Variants in MBD5 observed in about 807,000 individuals in gnomAD.
MBD5 encodes methyl-CpG-binding domain protein 5.
A neutral mutation model predicts 117.3 loss-of-function variants in MBD5; 13 were observed. The ratio of observed to expected loss-of-function variants is 0.11; its 90% CI spans 0.07 to 0.18. The LOEUF (loss-of-function observed/expected upper bound fraction) is 0.18. Ranked by LOEUF, MBD5 falls within the 10% of genes least tolerant of loss-of-function variation. The pLI is 1.00. For synonymous variants in MBD5, 727 were observed against 766.4 expected, an observed-to-expected ratio of 0.95 and a Z score of 0.85; for missense variants, 1,879 against 2,093.8, an observed-to-expected ratio of 0.90 and a Z score of 2.00.
At chr2:148,419,078 T>A (rs1705515627) in intron 4 of MBD5, among the ~76,000 whole-genome samples, 1 of 152,118 alleles carries the variant, frequency 6.6e-6, no homozygotes, top group South Asian at 2.1e-4. Context: ...TAAAACCAAG[T>A]ACTTACAACC....
chr2:148,252,257 G>GT (rs1700483572), intron 3 of MBD5, among the ~76,000 whole-genome samples: 1 of 152,032 alleles, frequency 6.6e-6, no homozygotes, highest in African/African-American at 2.4e-5. Flanking sequence ...GAGCCCAGGA[G>GT]TTCAAGGCCA....
At chr2:148,067,165 A>C (rs1695222872) in intron 1 of MBD5, among the ~76,000 whole-genome samples, 1 of 152,190 alleles carries the variant, frequency 6.6e-6, no homozygotes, top group African/African-American at 2.4e-5. Context: ...ATAGAATGCA[A>C]AAGTACAGTC....
intron 3 of MBD5, among the ~76,000 whole-genome samples, chr2:148,306,528 G>T (rs1336235458): frequency 6.6e-6 from 1 of 152,104 alleles, no homozygotes; most frequent in Admixed American, 6.5e-5. Flanking sequence ...ATTTTGGAGA[G>T]ATTAGGCAGG....
rs888371654 is a variant in MBD5 at position 148,446,107 on chromosome 2, C to T, written c.-556-12096C>T. Among the ~76,000 whole-genome samples the T allele has an allele frequency of 5.4e-5, 8 of 149,180 alleles. 1 individual carries two copies. Among genetic ancestry groups the T allele is most frequent in the Admixed American group, 2.6e-4 (4 of 15,096 alleles). On this transcript the variant is annotated intron_variant, in intron 4 of 13. Transcript: ENST00000642680. ...TGCCTGTTCACTCTGATGGTAGTTT[C>T]TTTTGCTGTGCACAAGCTCTTTAGT...
At chr2:148,197,389 T>A (rs557150023) in intron 2 of MBD5, among the ~76,000 whole-genome samples, 1 of 152,250 alleles carries the variant, frequency 6.6e-6, no homozygotes, top group South Asian at 2.1e-4. Flanking sequence ...AACTAATGAT[T>A]GTTTGTTATG....
At chr2:148,252,553 C>G (rs1034403210) in intron 3 of MBD5, among the ~76,000 whole-genome samples, 2 of 152,002 alleles carry the variant, frequency 1.3e-5, no homozygotes, top group African/African-American at 4.8e-5. Flanking sequence ...TTATGGAAAA[C>G]CTCTGCAAGT....
intron 3 of MBD5, among the ~76,000 whole-genome samples, chr2:148,328,503 C>T (rs541409059): frequency 7.2e-5 from 11 of 152,306 alleles, no homozygotes; most frequent in East Asian, 3.9e-4. Flanking sequence ...ACTCTGTGGG[C>T]GTAGGACCCT....
chr2:148,198,960 G>GT (rs1699065503), intron 2 of MBD5, among the ~76,000 whole-genome samples: 1 of 151,018 alleles, frequency 6.6e-6, no homozygotes, highest in Non-Finnish European at 1.5e-5. Flanking sequence ...ATGTGTATAT[G>GT]TATATATCTG....
intron 1 of MBD5, among the ~76,000 whole-genome samples, chr2:148,084,041 G>A (rs1364890632): frequency 6.6e-6 from 1 of 152,184 alleles, no homozygotes; most frequent in Non-Finnish European, 1.5e-5. Flanking sequence ...TACACAAAAA[G>A]ATTGAAAACT....
chr2:148,150,243 A>G (rs866985709), intron 1 of MBD5, among the ~76,000 whole-genome samples: 1,811 of 148,516 alleles, frequency 0.012, 39 homozygotes, highest in African/African-American at 0.042. Flanking sequence ...CAAAGATCAG[A>G]TAGTTGTAGA....
intron 1 of MBD5, among the ~76,000 whole-genome samples, chr2:148,150,553 T>C (rs995535786): frequency 2.6e-5 from 4 of 152,184 alleles, no homozygotes; most frequent in Non-Finnish European, 5.9e-5. Context: ...TTTCACGATA[T>C]TGATTCTTCT....
intron 11 of MBD5, among the ~76,000 whole-genome samples, chr2:148,491,297 CTTTT>C (rs543680655): frequency 7.8e-6 from 1 of 128,540 alleles, no homozygotes; most frequent in African/African-American, 2.8e-5. Flanking sequence ...TCTTCTGGGC[CTTTT>C]TTTTTTTTTT....
intron 1 of MBD5, chr2:148,024,949 T>C (rs973536580): frequency 6.6e-6 from 1 of 152,188 alleles, no homozygotes; most frequent in African/African-American, 2.4e-5. Context: ...GACTTTGTTT[T>C]TTTGGTCCTT....
chr2:148,347,747 A>G (rs562306920), intron 4 of MBD5: 70 of 152,174 alleles, frequency 4.6e-4, no homozygotes, highest in African/African-American at 1.7e-3. Context: ...ACATTTCAGT[A>G]TACAGTATTA....
intron 1 of MBD5, among the ~76,000 whole-genome samples, chr2:148,098,484 G>A (rs1696122436): frequency 6.6e-6 from 1 of 152,144 alleles, no homozygotes; most frequent in African/African-American, 2.4e-5. Context: ...AGCCATGAGA[G>A]TACATGAGTT....
intron 1 of MBD5, chr2:148,028,372 T>C (rs1404466354): frequency 6.6e-6 from 1 of 151,996 alleles, no homozygotes; most frequent in Non-Finnish European, 1.5e-5. Flanking sequence ...ATGTTAAAAC[T>C]TAAGTTCATG....
chr2:148,075,239 C>T (rs1412323756), intron 1 of MBD5, among the ~76,000 whole-genome samples: 1 of 152,126 alleles, frequency 6.6e-6, no homozygotes, highest in Non-Finnish European at 1.5e-5. Flanking sequence ...GAAACTGAGA[C>T]TTAAATATTC....
chr2:148,054,792 G>A (rs981311554), intron 1 of MBD5: 1 of 152,216 alleles, frequency 6.6e-6, no homozygotes, highest in African/African-American at 2.4e-5. Context: ...AGGTGGAATT[G>A]CAAGATCACA....
chr2:148,338,207 G>T (rs1222840510), intron 3 of MBD5, among the ~76,000 whole-genome samples: 1 of 152,084 alleles, frequency 6.6e-6, no homozygotes, highest in African/African-American at 2.4e-5. Flanking sequence ...ATGTGTTTTT[G>T]ATAGAGATTC....
Sources: gnomAD v4.1 joint callset for allele counts (sites outside exome capture counted in the v4.1 genomes callset) on GRCh38, gnomAD v4.1.1 for gene constraint, MANE v1.5 for transcripts, NCBI Gene and HGNC (gene_info 2026-07-23, HGNC 2026-07-21) for gene names.